The following TENM4 variants were observed in gnomAD, a reference collection of about 807,000 sequenced individuals.
The protein encoded by TENM4 is teneurin transmembrane protein 4.
A neutral mutation model predicts 243.3 loss-of-function variants in TENM4; 82 were observed. The ratio of observed to expected loss-of-function variants is 0.34; its 90% CI spans 0.28 to 0.40. The LOEUF (loss-of-function observed/expected upper bound fraction) is 0.40. Ranked by LOEUF, TENM4 falls within the 10% of genes least tolerant of loss-of-function variation. TENM4 has a pLI of 1.00. For synonymous variants in TENM4, 1,412 were observed against 1,456.3 expected (o/e 0.97, Z 0.69); for missense variants, 3,138 against 3,673.3 (o/e 0.85, Z 3.77).
intron 1 of TENM4, among the ~76,000 whole-genome samples, chr11:79,384,831 C>A (rs1237300034): frequency 6.6e-6 from 1 of 151,834 alleles, no homozygotes; most frequent in Non-Finnish European, 1.5e-5. Context: ...GAGGCTAAGG[C>A]AGGAGAATCT....
intron 1 of TENM4, among the ~76,000 whole-genome samples, chr11:79,339,743 A>G (rs1227534823): frequency 6.6e-6 from 1 of 152,188 alleles, no homozygotes; most frequent in Non-Finnish European, 1.5e-5. Flanking sequence ...GGAAAAATGC[A>G]ATATCAAAAG....
chr11:78,961,738 C>T lies in TENM4; in HGVS notation c.494-58215G>A, dbSNP rs192641319. ...TGGTTGTGACAGTGCCTGGCACAGT[C>T]CCTGGCACAGAGTAGGTAGTTGGTT... On this transcript the variant is annotated intron_variant, in intron 6 of 33. Transcript: ENST00000278550. Among the ~76,000 whole-genome samples, 9 of 151,950 alleles carry T rather than the reference C, an allele frequency of 5.9e-5. No individual in the cohort carries two copies. The East Asian group carries it at 9.7e-4, about 16-fold the overall frequency.
rs528418776 is a variant in TENM4, at chr11:78,830,204, C to T, written c.1682-15809G>A. On this transcript the variant is annotated intron_variant, in intron 12 of 33. Coordinates refer to ENST00000278550, the MANE Select transcript of TENM4 (RefSeq NM_001098816.3). Reference sequence around the variant, plus strand: ...AGCCTATTCCTAGAACCCCCCGGGGCATTTCCCATAAATTCCCATCATACT... The same window carrying T: ...AGCCTATTCCTAGAACCCCCCGGGGTATTTCCCATAAATTCCCATCATACT... 6.6e-5 allele frequency among the ~76,000 whole-genome samples: 10 copies of T among 152,328 alleles called. No individual in the cohort carries two copies. The South Asian group carries it at 1.9e-3, about 28-fold the overall frequency.
intron 17 of TENM4, among the ~76,000 whole-genome samples, chr11:78,778,056 A>G (rs1856770849): frequency 6.6e-6 from 1 of 152,196 alleles, no homozygotes; most frequent in Admixed American, 6.5e-5. Context: ...CTGCTCCCTG[A>G]GGTCAGGGAT....
chr11:79,172,463 G>T (rs1431163475), intron 3 of TENM4, among the ~76,000 whole-genome samples: 1 of 151,996 alleles, frequency 6.6e-6, no homozygotes, highest in African/African-American at 2.4e-5. Context: ...AAAAACATAG[G>T]TCATTCTCAA....
chr11:79,404,810 G>T, intron 1 of TENM4, among the ~76,000 whole-genome samples: 1 of 151,918 alleles, frequency 6.6e-6, no homozygotes, highest in East Asian at 1.9e-4. Flanking sequence ...TATTCAAAAT[G>T]ATATATATGG....
At chr11:79,390,852 C>T (rs996656375) in intron 1 of TENM4, among the ~76,000 whole-genome samples, 2 of 152,202 alleles carry the variant, frequency 1.3e-5, no homozygotes, top group African/African-American at 4.8e-5. Context: ...TGAAACTCTA[C>T]TTTATATAGT....
intron 12 of TENM4, among the ~76,000 whole-genome samples, chr11:78,827,958 T>C (rs759032604): frequency 1.3e-5 from 2 of 152,228 alleles, no homozygotes; most frequent in African/African-American, 2.4e-5. Context: ...TTTCCCCTAG[T>C]AGACTGCAAA....
chr11:79,017,138 C>T (rs1208428220), intron 6 of TENM4, among the ~76,000 whole-genome samples: 1 of 152,200 alleles, frequency 6.6e-6, no homozygotes, highest in Non-Finnish European at 1.5e-5. Context: ...TTTTTTTCTG[C>T]TGTGAGCAGA....
intron 4 of TENM4, among the ~76,000 whole-genome samples, chr11:79,105,057 C>A (rs550642573): frequency 1.3e-5 from 2 of 152,284 alleles, no homozygotes; most frequent in South Asian, 4.1e-4. Flanking sequence ...ATGCAATTTA[C>A]AATTAAGTTC....
intron 3 of TENM4, chr11:79,191,811 C>T (rs189491284): frequency 0.082 from 15,581 of 190,740 alleles, 1,445 homozygotes; most frequent in East Asian, 0.38. Flanking sequence ...TGTCTCTGCC[C>T]GGCCGCCCCG....
At chr11:79,158,969 T>G (rs540578309) in intron 3 of TENM4, among the ~76,000 whole-genome samples, 29 of 152,280 alleles carry the variant, frequency 1.9e-4, no homozygotes, top group African/African-American at 6.5e-4. Flanking sequence ...CAGTGCTCAC[T>G]GAAAAGCCCC....
At chr11:78,920,251 C>G (rs979745199) in intron 6 of TENM4, among the ~76,000 whole-genome samples, 1 of 152,152 alleles carries the variant, frequency 6.6e-6, no homozygotes, top group African/African-American at 2.4e-5. Flanking sequence ...ATATGCCAGG[C>G]ATTGAATCAG....
In TENM4 at chr11:78,971,460, G is replaced by A. The variant is rs553857715; in HGVS notation, c.494-67937C>T. Among the ~76,000 whole-genome samples the A allele has an allele frequency of 4.6e-5, 7 of 152,046 alleles. No individual in the cohort carries two copies. The East Asian group carries it at 1.4e-3, about 29-fold the overall frequency. Reference sequence around the variant, plus strand: ...TGGGACTATAGGCACGCGCCACCATGCCTAGCTAATTTTTGTATTTTTAGT... The same window carrying A: ...TGGGACTATAGGCACGCGCCACCATACCTAGCTAATTTTTGTATTTTTAGT... On this transcript the variant is annotated intron_variant, in intron 6 of 33. Transcript: ENST00000278550.
At chr11:79,218,749 G>T (rs565054496) in intron 2 of TENM4, among the ~76,000 whole-genome samples, 1 of 152,034 alleles carries the variant, frequency 6.6e-6, no homozygotes, top group South Asian at 2.1e-4. Context: ...TTTTCCCAGA[G>T]TACCTCCAGT....
In TENM4 at chr11:78,720,358, TG is replaced by T. The variant is rs1273612286; in HGVS notation, c.3821+11del. On this transcript the variant is annotated intron_variant, in intron 25 of 33. Transcript: ENST00000278550. The stretch of plus-strand genomic sequence containing the variant: ...AGGGGTGAGGCAGGAAATTCTCCAC[TG>T]GTTGGCTTACCTATGTCTGAAATCT... 1.9e-5 allele frequency: 31 copies of T among 1,613,800 alleles called. No individual in the cohort carries two copies. Among genetic ancestry groups the T allele is most frequent in the Non-Finnish European group, 2.6e-5 (31 of 1,179,852 alleles).
At chr11:79,268,437 T>C (rs140377331) in intron 2 of TENM4, among the ~76,000 whole-genome samples, 175 of 152,346 alleles carry the variant, frequency 1.1e-3, no homozygotes, top group Non-Finnish European at 2.2e-3. Context: ...TCACTTCTTC[T>C]CTTTAAATCT....
chr11:79,178,468 G>C (rs1863213610), intron 3 of TENM4, among the ~76,000 whole-genome samples: 1 of 152,220 alleles, frequency 6.6e-6, no homozygotes, highest in Non-Finnish European at 1.5e-5. Flanking sequence ...GGAAGAACCA[G>C]TGAAAGAGGT....
At chr11:79,040,319 T>C (rs1859488027) in intron 6 of TENM4, among the ~76,000 whole-genome samples, 1 of 152,174 alleles carries the variant, frequency 6.6e-6, no homozygotes. Context: ...AGGTGCTCGC[T>C]CAGCTCAGTT....
Sources: gnomAD v4.1 joint callset for allele counts (sites outside exome capture counted in the v4.1 genomes callset) on GRCh38, gnomAD v4.1.1 for gene constraint, MANE v1.5 for transcripts, NCBI Gene and HGNC (gene_info 2026-07-23, HGNC 2026-07-21) for gene names.